CADM2: variants seen among roughly 807,000 people sequenced by gnomAD.
CADM2 encodes immunoglobulin superfamily member 4D.
A neutral mutation model predicts 49.8 loss-of-function variants in CADM2; 12 were observed. The observed-to-expected ratio is 0.24, with a 90% CI of 0.15 to 0.39. The LOEUF is 0.39. Among genes scored for constraint, CADM2 ranks in the 10% least tolerant of loss-of-function variants. The probability of loss-of-function intolerance (pLI) is 1.00; values close to 1 mark genes in which losing one functional copy is unlikely to be tolerated. For missense variants in CADM2, 378 were observed against 492.3 expected (o/e 0.77, Z 2.20); for synonymous variants, 214 against 175.4 (o/e 1.22, Z -1.74).
intron 1 of CADM2, among the ~76,000 whole-genome samples, chr3:85,527,885 T>C (rs79505529): frequency 0.08 from 12,214 of 152,238 alleles, 947 homozygotes; most frequent in African/African-American, 0.18. Flanking sequence ...TAGTATTTTA[T>C]GCTCTTTTAG....
intron 8 of CADM2, among the ~76,000 whole-genome samples, chr3:85,964,112 CT>C (rs1244120237): frequency 2.0e-5 from 3 of 151,800 alleles, no homozygotes; most frequent in African/African-American, 7.2e-5. Context: ...CTACTCTCTT[CT>C]TTTAATGGTT....
chr3:85,554,215 T>C (rs1192994516), intron 1 of CADM2, among the ~76,000 whole-genome samples: 3 of 152,134 alleles, frequency 2.0e-5, no homozygotes, highest in African/African-American at 7.2e-5. Flanking sequence ...TCGTAAGGAG[T>C]ATGCAGCTTT....
At position 86,067,899 on chromosome 3, in the gene CADM2, C is replaced by A. The variant is rs1739503189; in HGVS notation, c.*1116C>A. The A allele has an allele frequency of 6.6e-6, 1 of 152,362 alleles. No homozygotes were observed. The highest frequency in any genetic ancestry group is 6.6e-5 in the Admixed American group (1 of 15,246). 9.4% of individuals were successfully genotyped at this position (152,362 alleles called of 1,614,324 possible). A position where few individuals can be genotyped will look rare whatever the true frequency, so the allele number is the denominator to read the frequency against. The stretch of plus-strand genomic sequence containing the variant: ...TTTTATTTGTTATACAATGGAAGCA[C>A]AATGTTATAAGGAAAGGTAATTTTA... On this transcript the variant is annotated 3_prime_UTR_variant, in exon 10 of 10. Coordinates refer to ENST00000383699, the MANE Select transcript of CADM2 (RefSeq NM_001167675.2).
chr3:85,470,848 G>A (rs908233816), intron 1 of CADM2, among the ~76,000 whole-genome samples: 2 of 152,068 alleles, frequency 1.3e-5, no homozygotes, highest in African/African-American at 4.8e-5. Context: ...AAGTTCAACT[G>A]CATATGTTCC....
intron 9 of CADM2, among the ~76,000 whole-genome samples, chr3:86,066,234 G>A (rs1017472598): frequency 6.8e-6 from 1 of 148,122 alleles, no homozygotes; most frequent in African/African-American, 2.5e-5. Context: ...TCGGGAGGCT[G>A]AGGCAGGAGA....
rs1040107691 is a variant in CADM2, at chr3:86,009,123, A to G, written c.970+47476A>G. Among the ~76,000 whole-genome samples the G allele has an allele frequency of 2.1e-4, 31 of 145,388 alleles. 1 individual carries two copies. The highest frequency in any genetic ancestry group is 3.7e-4 in the Non-Finnish European group (25 of 66,746). ...TGTGTGTGTGTATAAATATATATAT[A>G]TGTGTATATAGATATATATATAGAT... On this transcript the variant is annotated intron_variant, in intron 8 of 9. Transcript: ENST00000383699.
At chr3:85,213,188 G>A (rs910653431) in intron 1 of CADM2, among the ~76,000 whole-genome samples, 4 of 151,828 alleles carry the variant, frequency 2.6e-5, no homozygotes, top group African/African-American at 9.7e-5. Flanking sequence ...TGGACTTCAG[G>A]TATTTTCTTA....
chr3:85,445,126 G>C (rs971677084), intron 1 of CADM2, among the ~76,000 whole-genome samples: 2 of 152,050 alleles, frequency 1.3e-5, no homozygotes, highest in Non-Finnish European at 2.9e-5. Flanking sequence ...TCTTCGTTTT[G>C]TTGACGAGTA....
At chr3:85,571,906 A>G (rs1047054658) in intron 1 of CADM2, among the ~76,000 whole-genome samples, 12 of 152,178 alleles carry the variant, frequency 7.9e-5, no homozygotes, top group Non-Finnish European at 1.2e-4. Flanking sequence ...ATGGTATACA[A>G]TGTGCTTTGA....
At chr3:85,399,920 A>G (rs868062771) in intron 1 of CADM2, among the ~76,000 whole-genome samples, 2 of 152,104 alleles carry the variant, frequency 1.3e-5, no homozygotes, top group African/African-American at 2.4e-5. Context: ...GCAAACAGGG[A>G]CAATTTGACT....
At chr3:84,987,898 G>A (rs1263175148) in intron 1 of CADM2, among the ~76,000 whole-genome samples, 1 of 152,154 alleles carries the variant, frequency 6.6e-6, no homozygotes, top group African/African-American at 2.4e-5. Flanking sequence ...AAGGATAAAT[G>A]AGCCCAGTTC....
chr3:86,066,188 G>T (rs1428587584), intron 9 of CADM2, among the ~76,000 whole-genome samples: 1 of 151,604 alleles, frequency 6.6e-6, no homozygotes, highest in Admixed American at 6.6e-5. Flanking sequence ...TGACATGACC[G>T]TTTTTAAGAT....
intron 1 of CADM2, among the ~76,000 whole-genome samples, chr3:85,442,074 G>A (rs2037226676): frequency 6.6e-6 from 1 of 151,900 alleles, no homozygotes; most frequent in Non-Finnish European, 1.5e-5. Flanking sequence ...TTGAAAATAG[G>A]CAAAATCTAC....
At chr3:85,190,289 A>G (rs2041176897) in intron 1 of CADM2, among the ~76,000 whole-genome samples, 1 of 151,988 alleles carries the variant, frequency 6.6e-6, no homozygotes, top group Non-Finnish European at 1.5e-5. Flanking sequence ...CCTAGAACGT[A>G]TTTTTCTTCT....
intron 1 of CADM2, among the ~76,000 whole-genome samples, chr3:85,561,502 T>G (rs1189179147): frequency 6.6e-6 from 1 of 152,164 alleles, no homozygotes; most frequent in Non-Finnish European, 1.5e-5. Flanking sequence ...GACTCCCCGC[T>G]TTTTAACAAA....
chr3:85,540,178 T>G (rs773687039), intron 1 of CADM2, among the ~76,000 whole-genome samples: 2 of 152,156 alleles, frequency 1.3e-5, no homozygotes, highest in Non-Finnish European at 2.9e-5. Flanking sequence ...TATATTCATT[T>G]TCATCAAAAT....
intron 2 of CADM2, among the ~76,000 whole-genome samples, chr3:85,786,489 C>G (rs932370267): frequency 6.6e-6 from 1 of 151,946 alleles, no homozygotes; most frequent in Non-Finnish European, 1.5e-5. Context: ...TGGGTGAAAT[C>G]AACATTAATG....
At chr3:85,325,158 T>G (rs1247901133) in intron 1 of CADM2, among the ~76,000 whole-genome samples, 1 of 152,222 alleles carries the variant, frequency 6.6e-6, no homozygotes, top group East Asian at 1.9e-4. Context: ...ACCTGCTAGC[T>G]CTTACGTTGA....
chr3:85,256,532 A>G (rs1255093437), intron 1 of CADM2, among the ~76,000 whole-genome samples: 1 of 152,100 alleles, frequency 6.6e-6, no homozygotes, highest in African/African-American at 2.4e-5. Flanking sequence ...TTTTTTGGAT[A>G]TTGACTTTCT....
Sources: gnomAD v4.1 joint callset for allele counts (sites outside exome capture counted in the v4.1 genomes callset) on GRCh38, gnomAD v4.1.1 for gene constraint, MANE v1.5 for transcripts, NCBI Gene and HGNC (gene_info 2026-07-23, HGNC 2026-07-21) for gene names.